The following SH3TC2 variants were observed in gnomAD, a reference collection of about 807,000 sequenced individuals.
The protein encoded by SH3TC2 is SH3 domain and tetratricopeptide repeats 2.
Under a neutral mutation model 124.5 loss-of-function variants are expected in SH3TC2, and 87 were observed. The observed-to-expected ratio is 0.70, with a 90% CI of 0.59 to 0.84. The LOEUF (loss-of-function observed/expected upper bound fraction) is 0.84, where lower values mean the gene tolerates loss of function less well. Ranked by LOEUF, SH3TC2 falls within the 40% of genes least tolerant of loss-of-function variation. The pLI is 0.00. For missense variants in SH3TC2, 1,536 were observed against 1,566.4 expected, an observed-to-expected ratio of 0.98 and a Z score of 0.33; for synonymous variants, 634 against 628.5, an observed-to-expected ratio of 1.01 and a Z score of -0.13.
intron 7 of SH3TC2, among the ~76,000 whole-genome samples, chr5:149,040,162 G>A (rs1039956061): frequency 6.6e-6 from 1 of 152,020 alleles, no homozygotes; most frequent in Non-Finnish European, 1.5e-5. Flanking sequence ...TATGTGCCAG[G>A]CATTTCTACT....
Position 148,999,304 on chromosome 5 carries a change from ATAAG to A in SH3TC2, c.*5403_*5406del, listed in dbSNP as rs1314790862. On this transcript the variant is annotated 3_prime_UTR_variant, in exon 17 of 17. Transcript: ENST00000515425. ...TTTTAGCCATTTCCTTGTCTATGAC[ATAAG>A]TAAGTCTGATATAATTCTGACAGCC... Among the ~76,000 whole-genome samples, 1 of 152,220 alleles carries A rather than the reference ATAAG, an allele frequency of 6.6e-6. No homozygotes were observed. The highest frequency in any genetic ancestry group is 1.5e-5 in the Non-Finnish European group (1 of 68,036).
intron 15 of SH3TC2, chr5:149,008,476 G>A (rs1451422821): frequency 3.1e-6 from 1 of 323,860 alleles, no homozygotes; most frequent in South Asian, 3.1e-5. Context: ...CATAGCTTAT[G>A]AAGAGAATAA....
rs1332533627 is a variant in SH3TC2, at chr5:149,044,872, CT to C, written c.280-235del. 4 of 471,410 alleles carry C rather than the reference CT, an allele frequency of 8.5e-6. No homozygotes were observed. In the East Asian group the frequency reaches 1.7e-4, roughly 20 times the overall value. 29.2% of individuals were successfully genotyped at this position (471,410 alleles called of 1,614,324 possible). A position where few individuals can be genotyped will look rare whatever the true frequency, so the allele number is the denominator to read the frequency against. Reference sequence around the variant, plus strand: ...AGCCACAGAAAAGAAGAAAGAAGCTCTTTGTGTACTGATATAGGCTCCAGAT... The same window carrying C: ...AGCCACAGAAAAGAAGAAAGAAGCTCTTGTGTACTGATATAGGCTCCAGAT... On this transcript the variant is annotated intron_variant, in intron 3 of 16. Transcript: ENST00000515425.
rs922055719 is a variant in SH3TC2, at chr5:148,982,326, A to T, written c.*22385T>A. 2.6e-5 allele frequency among the ~76,000 whole-genome samples: 4 copies of T among 152,244 alleles called. No individual in the cohort carries two copies. Among genetic ancestry groups the T allele is most frequent in the Non-Finnish European group, 4.4e-5 (3 of 68,042 alleles). The stretch of plus-strand genomic sequence containing the variant: ...ATTGACAAGAGCATCATGAAGGGCC[A>T]TTCAGCGTCTATCAAAACAACAAAT... On this transcript the variant is annotated 3_prime_UTR_variant, in exon 17 of 17. Coordinates refer to ENST00000515425, the MANE Select transcript of SH3TC2 (RefSeq NM_024577.4).
At chr5:149,018,127 T>C (rs1341344575) in intron 12 of SH3TC2, among the ~76,000 whole-genome samples, 1 of 152,182 alleles carries the variant, frequency 6.6e-6, no homozygotes, top group Non-Finnish European at 1.5e-5. Flanking sequence ...TTTGGCTTCT[T>C]TAGTTCTCAA....
Position 149,003,386 on chromosome 5 carries a change from C to T in SH3TC2, c.*1325G>A, listed in dbSNP as rs1215955433. ...AGCATGGTGCCATGTTGTGACTGCC[C>T]TGTGGAGAGGCCCACGTGGCAAGTG... On this transcript the variant is annotated 3_prime_UTR_variant, in exon 17 of 17. Transcript: ENST00000515425. 2 of 158,682 alleles carry T rather than the reference C, an allele frequency of 1.3e-5. No individual in the cohort carries two copies. The highest frequency in any genetic ancestry group is 3.7e-4 in the East Asian group (2 of 5,346). The allele number at this position is 158,682 out of a possible 1,614,324, so 9.8% of individuals were successfully genotyped here. A position where few individuals can be genotyped will look rare whatever the true frequency, so the allele number is the denominator to read the frequency against.
rs1753402481 is a variant in SH3TC2, at chr5:148,990,347, A to G, written c.*14364T>C. ...TTTGCTGTAAATGTTCACACCTCCC[A>G]TCATAAGCAAGCTGGCCTTTGTCAA... On this transcript the variant is annotated 3_prime_UTR_variant, in exon 17 of 17. Transcript: ENST00000515425. Among the ~76,000 whole-genome samples the G allele has an allele frequency of 6.6e-6, 1 of 152,102 alleles. No individual in the cohort carries two copies. Among genetic ancestry groups the G allele is most frequent in the Admixed American group, 6.5e-5 (1 of 15,270 alleles).
chr5:149,038,487 C>T lies in SH3TC2; in HGVS notation c.809G>A (p.Arg270Lys). 6.2e-7 allele frequency: 1 copy of T among 1,613,982 alleles called. No homozygotes were observed. Among genetic ancestry groups the T allele is most frequent in the Non-Finnish European group, 8.5e-7 (1 of 1,179,876 alleles). Residue 270 changes from arginine (R) to lysine (K), a missense_variant, in exon 8 of 17, where the codon AGA becomes AAA. By Grantham distance (26) the Arg-to-Lys change is conservative. Coordinates refer to ENST00000515425, the MANE Select transcript of SH3TC2 (RefSeq NM_024577.4). Reference sequence around the variant, plus strand: ...ACCCGTCAAGGCCTTACAGCGTCCTCTGCCTGTGGAAAATAGCACACAGAT... The same window carrying T: ...ACCCGTCAAGGCCTTACAGCGTCCTTTGCCTGTGGAAAATAGCACACAGAT... ...RDWTGSYQIG[R>K]GRCKALTGYE...
intron 3 of SH3TC2, chr5:149,045,301 T>A (rs1754440104): frequency 6.6e-6 from 1 of 152,342 alleles, no homozygotes. Flanking sequence ...ATCTTCTATG[T>A]CATCACAAAG....
In SH3TC2 at chr5:149,054,358, T is replaced by C. The variant is rs555179582; in HGVS notation, c.53-2118A>G. The stretch of plus-strand genomic sequence containing the variant: ...ATGTCTAGATTGGTGCTTTTGAAAC[T>C]TTATTTTACCTATGAATCACCTATG... On this transcript the variant is annotated intron_variant, in intron 1 of 16. Coordinates refer to ENST00000515425, the MANE Select transcript of SH3TC2 (RefSeq NM_024577.4). 3.9e-5 allele frequency among the ~76,000 whole-genome samples: 6 copies of C among 152,320 alleles called. No individual in the cohort carries two copies. In the East Asian group the frequency reaches 1.2e-3, roughly 29 times the overall value.
rs1215787016 is a variant in SH3TC2, at chr5:148,995,866, T to C, written c.*8845A>G. On this transcript the variant is annotated 3_prime_UTR_variant, in exon 17 of 17. Transcript: ENST00000515425. ...TCACATAAAGTACACTTTTAAACTA[T>C]GATAAGTGCTTTGAAGGAAAAGTAC... Among the ~76,000 whole-genome samples the C allele has an allele frequency of 6.6e-6, 1 of 151,972 alleles. No homozygotes were observed. Among genetic ancestry groups the C allele is most frequent in the African/African-American group, 2.4e-5 (1 of 41,372 alleles).
intron 7 of SH3TC2, among the ~76,000 whole-genome samples, chr5:149,038,851 G>A (rs1754325644): frequency 6.6e-6 from 1 of 152,198 alleles, no homozygotes; most frequent in South Asian, 2.1e-4. Flanking sequence ...TTTTGCCACT[G>A]TAATGTAAAT....
chr5:149,006,355 A>G (rs1438777261), intron 16 of SH3TC2: 1 of 119,354 alleles, frequency 8.4e-6, no homozygotes, highest in Non-Finnish European at 1.9e-5. Context: ...ACTTAGTTTA[A>G]AGGCCCCATA....
intron 1 of SH3TC2, 21 bp from the exon 2 acceptor site, chr5:149,052,261 G>T (rs370836236): frequency 1.3e-6 from 2 of 1,555,128 alleles, no homozygotes; most frequent in East Asian, 2.2e-5. Flanking sequence ...TGAAATAAAA[G>T]GTCATCTTAA....
chr5:149,042,550 A>G (rs2127400896), intron 5 of SH3TC2, 144 bp downstream of exon 5: 1 of 978,824 alleles, frequency 1.0e-6, no homozygotes, highest in South Asian at 1.4e-5. Context: ...AGGAATGTTC[A>G]AAGTACTATT....
intron 4 of SH3TC2, chr5:149,044,233 T>TC (rs1754419496): frequency 2.7e-6 from 1 of 371,156 alleles, no homozygotes; most frequent in African/African-American, 2.1e-5. Context: ...CACATCTATT[T>TC]CAGTACTTTG....
rs1257979810 is a variant in SH3TC2, at chr5:148,983,476, G to A, written c.*21235C>T. Among the ~76,000 whole-genome samples, 7 of 152,270 alleles carry A rather than the reference G, an allele frequency of 4.6e-5. No homozygotes were observed. The highest frequency in any genetic ancestry group is 4.8e-5 in the African/African-American group (2 of 41,540). On this transcript the variant is annotated 3_prime_UTR_variant, in exon 17 of 17. Coordinates refer to ENST00000515425, the MANE Select transcript of SH3TC2 (RefSeq NM_024577.4). ...CTTGTTAGATGCATGCTGAACCCCC[G>A]AACTCAGTTTATCCAGGTGGAGGTC...
chr5:148,993,376 A>C lies in SH3TC2; in HGVS notation c.*11335T>G, dbSNP rs962831100. On this transcript the variant is annotated 3_prime_UTR_variant, in exon 17 of 17. Coordinates refer to ENST00000515425, the MANE Select transcript of SH3TC2 (RefSeq NM_024577.4). ...CATCATTGTAAAATTCCAAATGCAA[A>C]AGAATTCATCTCCATAAAATGATTT... 5.3e-5 allele frequency among the ~76,000 whole-genome samples: 8 copies of C among 152,242 alleles called. No homozygotes were observed. Among genetic ancestry groups the C allele is most frequent in the Admixed American group, 1.3e-4 (2 of 15,290 alleles).
chr5:149,044,996 G>T, intron 3 of SH3TC2: 1 of 196,366 alleles, frequency 5.1e-6, no homozygotes, highest in South Asian at 9.4e-5. Flanking sequence ...AAGTGTATGT[G>T]GGAGGATAAA....
Sources: allele counts gnomAD v4.1 joint callset (sites outside exome capture counted in the v4.1 genomes callset), GRCh38; gene constraint gnomAD v4.1.1; transcripts MANE v1.5; gene names NCBI Gene and HGNC (gene_info 2026-07-23, HGNC 2026-07-21).